Variants in ANAPC10 observed in about 807,000 individuals in gnomAD.
ANAPC10 encodes anaphase-promoting complex subunit 10.
A neutral mutation model predicts 22.0 loss-of-function variants in ANAPC10; 12 were observed. That is an observed-to-expected ratio of 0.55 (90% confidence interval 0.35 to 0.88). The LOEUF (loss-of-function observed/expected upper bound fraction) is 0.88, where lower values mean the gene tolerates loss of function less well. Ranked by LOEUF, ANAPC10 falls within the 40% of genes least tolerant of loss-of-function variation. The probability of loss-of-function intolerance (pLI) is 0.01; values close to 1 mark genes in which losing one functional copy is unlikely to be tolerated. For synonymous variants in ANAPC10, 65 were observed against 69.5 expected (o/e 0.94, Z 0.32); for missense variants, 188 against 220.9 (o/e 0.85, Z 0.94).
At chr4:144,996,722 G>A (rs762406841) in intron 4 of ANAPC10, among the ~76,000 whole-genome samples, 1 of 152,188 alleles carries the variant, frequency 6.6e-6, no homozygotes, top group Non-Finnish European at 1.5e-5. Flanking sequence ...GAACAAAGCT[G>A]GACGGAGAAT....
At chr4:145,027,567 C>A (rs1450026915) in intron 4 of ANAPC10, among the ~76,000 whole-genome samples, 2 of 152,082 alleles carry the variant, frequency 1.3e-5, no homozygotes, top group African/African-American at 2.4e-5. Context: ...TAAGGCACAG[C>A]ATCATGAATT....
chr4:145,022,209 G>A (rs757784290), intron 4 of ANAPC10, among the ~76,000 whole-genome samples: 8 of 151,988 alleles, frequency 5.3e-5, no homozygotes, highest in African/African-American at 1.4e-4. Flanking sequence ...TTGCACACAC[G>A]TTTATAGCAG....
chr4:145,092,278 T>C (rs569314763), intron 2 of ANAPC10, among the ~76,000 whole-genome samples: 10 of 152,142 alleles, frequency 6.6e-5, no homozygotes, highest in African/African-American at 2.2e-4. Flanking sequence ...CATTTACCTA[T>C]GTCACAAACC....
In ANAPC10 at chr4:145,091,319, C is replaced by T. The variant is rs560704796; in HGVS notation, c.115+4666G>A. Among the ~76,000 whole-genome samples, 20 of 152,146 alleles carry T rather than the reference C, an allele frequency of 1.3e-4. No homozygotes were observed. The South Asian group carries it at 4.2e-3, about 32-fold the overall frequency. On this transcript the variant is annotated intron_variant, in intron 2 of 4. Coordinates refer to ENST00000507656, the MANE Select transcript of ANAPC10 (RefSeq NM_001256706.2). ...GAGGTACGATTCAGTGCTAGTTTAC[C>T]AAGGAAGGTAAACTTTACCAAAGGA... is the stretch of plus-strand genomic sequence containing the variant.
chr4:145,069,876 T>C (rs765158563), intron 3 of ANAPC10, among the ~76,000 whole-genome samples: 1 of 152,102 alleles, frequency 6.6e-6, no homozygotes, highest in Non-Finnish European at 1.5e-5. Flanking sequence ...TCACAAAAAA[T>C]GTAAACAATG....
Position 145,098,147 on chromosome 4 carries a change from A to C in ANAPC10, c.-40T>G, listed in dbSNP as rs1254581075. 1 of 152,552 alleles carries C rather than the reference A, an allele frequency of 6.6e-6. No homozygotes were observed. The highest frequency in any genetic ancestry group is 2.4e-5 in the African/African-American group (1 of 41,442). 9.4% of individuals were successfully genotyped at this position (152,552 alleles called of 1,614,324 possible). ...TTTCCAGACCTGGCTGCTTGCCGAA[A>C]CTCAGATTCTCGGCACCTCCAGCAG... On this transcript the variant is annotated 5_prime_UTR_variant, in exon 1 of 5. Transcript: ENST00000507656.
At chr4:145,094,450 AC>A (rs1169258379) in intron 2 of ANAPC10, among the ~76,000 whole-genome samples, 1 of 152,228 alleles carries the variant, frequency 6.6e-6, no homozygotes, top group East Asian at 1.9e-4. Context: ...AGAACTGTAC[AC>A]CTAAAAAGGG....
chr4:145,064,749 GC>G, intron 3 of ANAPC10, 57 bp from the exon 4 acceptor site: 1 of 1,337,798 alleles, frequency 7.5e-7, no homozygotes, highest in Non-Finnish European at 1.0e-6. Flanking sequence ...GATTTCCAAT[GC>G]ATCTTATCTT....
intron 3 of ANAPC10, among the ~76,000 whole-genome samples, chr4:145,069,229 T>C (rs577795336): frequency 6.6e-6 from 1 of 152,168 alleles, no homozygotes; most frequent in East Asian, 1.9e-4. Flanking sequence ...ATAAATGAGG[T>C]GAGCCCTACA....
At chr4:145,096,213 A>G (rs926541005) in intron 1 of ANAPC10, 102 bp from the exon 2 acceptor site, 2 of 1,173,714 alleles carry the variant, frequency 1.7e-6, no homozygotes, top group African/African-American at 3.1e-5. Flanking sequence ...ATACCCTGAC[A>G]TTAATCATTT....
rs1391078294 is a variant in ANAPC10, at chr4:145,052,136, C to T, written c.327+12436G>A. Among the ~76,000 whole-genome samples, 5 of 151,862 alleles carry T rather than the reference C, an allele frequency of 3.3e-5. No individual in the cohort carries two copies. The South Asian group carries it at 8.3e-4, about 25-fold the overall frequency. On this transcript the variant is annotated intron_variant, in intron 4 of 4. Transcript: ENST00000507656. ...AGGGGGACAGTTGGGAGATGTTGGT[C>T]GAAGGACATAAAATTTCGGTGAGGC...
chr4:145,008,603 A>T (rs1560815359), intron 4 of ANAPC10, among the ~76,000 whole-genome samples: 1 of 152,238 alleles, frequency 6.6e-6, no homozygotes, highest in Non-Finnish European at 1.5e-5. Context: ...TTTTCTCAAT[A>T]GATGCAGAAA....
chr4:145,040,394 C>A (rs1163127693), intron 4 of ANAPC10, among the ~76,000 whole-genome samples: 1 of 152,092 alleles, frequency 6.6e-6, no homozygotes, highest in African/African-American at 2.4e-5. Context: ...GTGATCCACC[C>A]GCCTTGGCCT....
chr4:145,054,618 TGTGTGTGTGTGTGTGTGTGTGTGCGC>T (rs1207584441), intron 4 of ANAPC10, among the ~76,000 whole-genome samples: 3 of 122,336 alleles, frequency 2.5e-5, no homozygotes, highest in Non-Finnish European at 5.3e-5. Context: ...TGTGTGTGTG[TGTGTGTGTGTGTGTGTGTGTGTGCGC>T]GCGCGCGCGC....
At chr4:145,040,055 T>C (rs1739267519) in intron 4 of ANAPC10, among the ~76,000 whole-genome samples, 2 of 152,168 alleles carry the variant, frequency 1.3e-5, no homozygotes, top group South Asian at 4.1e-4. Context: ...CAGTTAGATG[T>C]AATGAAAACT....
intron 4 of ANAPC10, among the ~76,000 whole-genome samples, chr4:145,006,503 G>A (rs1733391166): frequency 6.6e-6 from 1 of 152,088 alleles, no homozygotes; most frequent in African/African-American, 2.4e-5. Flanking sequence ...GATGATACAA[G>A]AAGACCTAGA....
At position 145,016,341 on chromosome 4, in the gene ANAPC10, G is replaced by A. The variant is rs184316735; in HGVS notation, c.328-20738C>T. On this transcript the variant is annotated intron_variant, in intron 4 of 4. Coordinates refer to ENST00000507656, the MANE Select transcript of ANAPC10 (RefSeq NM_001256706.2). ...TACACCAATAACAAACAAACAGAGA[G>A]CCAAATCATGAGTGAACTCCCATTC... Among the ~76,000 whole-genome samples, 1,103 of 152,202 alleles carry A rather than the reference G, an allele frequency of 7.2e-3. 11 individuals are homozygous for A. Among genetic ancestry groups the A allele is most frequent in the African/African-American group, 0.025 (1,058 of 41,520 alleles).
intron 2 of ANAPC10, 152 bp downstream of exon 2, chr4:145,095,833 A>G: frequency 3.4e-6 from 3 of 880,414 alleles, no homozygotes; most frequent in Non-Finnish European, 3.5e-6. Context: ...AGGAAAAAAC[A>G]TAGTATTAAT....
At chr4:145,050,079 GC>G (rs1277842615) in intron 4 of ANAPC10, among the ~76,000 whole-genome samples, 1 of 152,080 alleles carries the variant, frequency 6.6e-6, no homozygotes, top group Non-Finnish European at 1.5e-5. Flanking sequence ...TTTTCAATTT[GC>G]TTTGCCTAGA....
Sources: allele counts gnomAD v4.1 joint callset (sites outside exome capture counted in the v4.1 genomes callset), GRCh38; gene constraint gnomAD v4.1.1; transcripts MANE v1.5; gene names NCBI Gene and HGNC (gene_info 2026-07-23, HGNC 2026-07-21).